The following WDR6 variants were observed in gnomAD, a reference collection of about 807,000 sequenced individuals.
The protein encoded by WDR6 is WD repeat domain 6, also known as tRNA (34-2'-O)-methyltransferase regulator WDR6.
Under a neutral mutation model 85.6 loss-of-function variants are expected in WDR6, and 58 were observed. The ratio of observed to expected loss-of-function variants is 0.68; its 90% confidence interval spans 0.55 to 0.84. The LOEUF is 0.84. WDR6 is among the 40% of genes least tolerant of loss of function. WDR6 has a pLI of 0.00. For missense variants in WDR6, 1,310 were observed against 1,476.4 expected (o/e 0.89, Z 1.85); for synonymous variants, 569 against 582.2 (o/e 0.98, Z 0.33).
Position 49,011,978 on chromosome 3 carries a change from C to T in WDR6, c.444C>T (p.Ile148=), listed in dbSNP as rs775226475. The change falls in exon 2 of 6, where the codon ATC becomes ATT. Residue 148 remains isoleucine, a synonymous_variant. Coordinates refer to ENST00000608424, the MANE Select transcript of WDR6 (RefSeq NM_018031.6). ...TATATGACCCTGTAGTAGGGTGCAT[C>T]CTGCAAGAGGTGCCCTGCACAGACA... ...VVLYDPVVGC[I]LQEVPCTDRC... 1 of 1,614,198 alleles carries T rather than the reference C, an allele frequency of 6.2e-7. No individual in the cohort carries two copies. Among genetic ancestry groups the T allele is most frequent in the South Asian group, 1.1e-5 (1 of 91,086 alleles).
At position 49,012,062 on chromosome 3, in the gene WDR6, G is replaced by A. The variant is rs756372593; in HGVS notation, c.528G>A (p.Val176=). ...ACGCCTGGAAGGAGCTGACCATAGT[G>A]GCAGGTGCTGTTTCCAACCAGCTCT... ...IGDAWKELTI[V]AGAVSNQLLV... Residue 176 remains valine (V), a synonymous_variant, in exon 2 of 6, where the codon GTG becomes GTA. Coordinates refer to ENST00000608424, the MANE Select transcript of WDR6 (RefSeq NM_018031.6). The surrounding 1 kb of genome is among the most constrained non-coding windows in gnomAD (Gnocchi z 4.4). 3.1e-6 allele frequency: 5 copies of A among 1,613,746 alleles called. No homozygotes were observed. In the African/African-American group the frequency reaches 4.0e-5, roughly 13 times the overall value.
rs370199277 is a variant in WDR6, at chr3:49,012,765, G to A, written c.1231G>A (p.Ala411Thr). ...CGAGGGCTTCGGATTGTGTGCTATG[G>A]CCAATGGGGAAGGTCGTGTCAAGGT... ...GPEGFGLCAM[A>T]NGEGRVKVVP... Residue 411 changes from alanine to threonine, a missense_variant, in exon 2 of 6, where the codon GCC (alanine) becomes ACC (threonine). Transcript: ENST00000608424. The surrounding 1 kb of genome is among the most constrained non-coding windows in gnomAD (Gnocchi z 4.4). 5.2e-5 allele frequency: 84 copies of A among 1,613,834 alleles called. No homozygotes were observed. The highest frequency in any genetic ancestry group is 4.9e-4 in the Middle Eastern group (3 of 6,084).
intron 1 of WDR6, among the ~76,000 whole-genome samples, chr3:49,010,057 T>C (rs1327134581): frequency 7.0e-6 from 1 of 141,988 alleles, no homozygotes; most frequent in African/African-American, 2.6e-5. Flanking sequence ...AAAAAAAAAG[T>C]GAGGTGAGGA....
rs777299488 is a variant in WDR6 at position 49,012,287 on chromosome 3, T to C, written c.753T>C (p.Ile251=). The change falls in exon 2 of 6, where the codon ATT becomes ATC. Residue 251 remains isoleucine, a synonymous_variant. Coordinates refer to ENST00000608424, the MANE Select transcript of WDR6 (RefSeq NM_018031.6). This position sits in a 1 kb window ranked among gnomAD's most constrained non-coding sequence, Gnocchi z 4.4. ...TGCCTGGGGGTCGGGTGCAGAATAT[T>C]GGGCACTGCTTTGGGCACAGCGCCC... ...LRVPGGRVQN[I]GHCFGHSARV... 3.1e-6 allele frequency: 5 copies of C among 1,614,234 alleles called. No homozygotes were observed. In the South Asian group the frequency reaches 5.5e-5, roughly 18 times the overall value.
rs1234461998 is a variant in WDR6 at position 49,015,008 on chromosome 3, T to C, written c.3086T>C (p.Val1029Ala). ...LEEAVGEAGLVPQLRVLEEYS... is the reference protein window; with the variant it reads ...LEEAVGEAGLAPQLRVLEEYS... ...GAGGCTGTGGGAGAGGCTGGGCTGG[T>C]ACCCCAGCTGCGTGTGCTAGAGGAA... Residue 1029 changes from valine (V) to alanine (A), a missense_variant, in exon 6 of 6, where the codon GTA becomes GCA. Coordinates refer to ENST00000608424, the MANE Select transcript of WDR6 (RefSeq NM_018031.6). The C allele has an allele frequency of 6.2e-7, 1 of 1,614,026 alleles. No individual in the cohort carries two copies. The highest frequency in any genetic ancestry group is 8.5e-7 in the Non-Finnish European group (1 of 1,180,020).
At position 49,015,277 on chromosome 3, in the gene WDR6, T is replaced by C. The variant is rs2093047944; in HGVS notation, c.3355T>C (p.Trp1119Arg). The change falls in exon 6 of 6, where the codon TGG becomes CGG. Residue 1119 changes from tryptophan to arginine, a missense_variant. Transcript: ENST00000608424. ...LGGQGLEVYN[W>R]YD ...GGGTCAGGGGCTTGAGGTTTACAAC[T>C]GGTATGACTGAGGTATCCTGCGGTG... 6.2e-7 allele frequency: 1 copy of C among 1,610,168 alleles called. No homozygotes were observed. Among genetic ancestry groups the C allele is most frequent in the Non-Finnish European group, 8.5e-7 (1 of 1,179,846 alleles).
rs2093027806 is a variant in WDR6, at chr3:49,013,199, T to A, written c.1665T>A (p.Thr555=). 1 of 1,613,306 alleles carries A rather than the reference T, an allele frequency of 6.2e-7. No homozygotes were observed. Among genetic ancestry groups the A allele is most frequent in the African/African-American group, 1.3e-5 (1 of 74,874 alleles). The change falls in exon 2 of 6, where the codon ACT becomes ACA. Residue 555 remains threonine (T), a synonymous_variant. Transcript: ENST00000608424. The surrounding 1 kb of genome is among the most constrained non-coding windows in gnomAD (Gnocchi z 4.6). ...SGSSGGGNAF[T]GLGPVSTLPS... ...GTAGTGGGGGTGGGAATGCTTTCAC[T>A]GGGTTGGGCCCAGTGTCTACCCTGC...
At position 49,015,880 on chromosome 3, in the gene WDR6, C is replaced by CA. The variant is rs1553731152; in HGVS notation, c.*593dup. ...TACCAGGAACTTGCATATCTAGAGACAGAGACTGAGTCACTGGCCCATCTC... is the reference window on the plus strand; with the variant it reads ...TACCAGGAACTTGCATATCTAGAGACAAGAGACTGAGTCACTGGCCCATCTC... On this transcript the variant is annotated 3_prime_UTR_variant, in exon 6 of 6. Coordinates refer to ENST00000608424, the MANE Select transcript of WDR6 (RefSeq NM_018031.6). 1.2e-6 allele frequency: 2 copies of CA among 1,614,186 alleles called. No homozygotes were observed. The highest frequency in any genetic ancestry group is 3.3e-5 in the Admixed American group (2 of 60,024).
chr3:49,015,764 A>G lies in WDR6; in HGVS notation c.*476A>G. The G allele has an allele frequency of 6.2e-7, 1 of 1,613,502 alleles. No homozygotes were observed. The highest frequency in any genetic ancestry group is 1.7e-5 in the Admixed American group (1 of 59,960). On this transcript the variant is annotated 3_prime_UTR_variant, in exon 6 of 6. Coordinates refer to ENST00000608424, the MANE Select transcript of WDR6 (RefSeq NM_018031.6). ...TCTGCTTCCTTTGCCTTTACCCTAT[A>G]CCTCTCTGCACGTCCCACCCCATTT...
At position 49,013,319 on chromosome 3, in the gene WDR6, T is replaced by C. The variant is rs1257616917; in HGVS notation, c.1785T>C (p.Phe595=). The part of the protein sequence containing the change: ...TGRDGAYYQL[F]VRDGQLQPVL... ...GTGATGGAGCCTACTACCAGCTGTT[T>C]GTACGAGACGGCCAGCTCCAGCCAG... Residue 595 remains phenylalanine (F), a synonymous_variant, in exon 2 of 6, where the codon TTT becomes TTC. Transcript: ENST00000608424. This position sits in a 1 kb window ranked among gnomAD's most constrained non-coding sequence, Gnocchi z 4.6. 3 of 1,614,150 alleles carry C rather than the reference T, an allele frequency of 1.9e-6. No individual in the cohort carries two copies. The highest frequency in any genetic ancestry group is 2.5e-6 in the Non-Finnish European group (3 of 1,180,020).
chr3:49,011,965 T>G lies in WDR6; in HGVS notation c.431T>G (p.Val144Gly), dbSNP rs745384755. 1 of 1,614,210 alleles carries G rather than the reference T, an allele frequency of 6.2e-7. No homozygotes were observed. Among genetic ancestry groups the G allele is most frequent in the Non-Finnish European group, 8.5e-7 (1 of 1,180,022 alleles). The change falls in exon 2 of 6, where the codon GTA becomes GGA. Residue 144 changes from valine (V) to glycine (G), a missense_variant. By Grantham distance (109) the Val-to-Gly change is moderately radical (BLOSUM62 -3). Coordinates refer to ENST00000608424, the MANE Select transcript of WDR6 (RefSeq NM_018031.6). ...AACTCAGTGGTGCTATATGACCCTG[T>G]AGTAGGGTGCATCCTGCAAGAGGTG... ...GHNSVVLYDP[V>G]VGCILQEVPC...
chr3:49,015,795 T>C lies in WDR6; in HGVS notation c.*507T>C. On this transcript the variant is annotated 3_prime_UTR_variant, in exon 6 of 6. Transcript: ENST00000608424. ...CTGCACGTCCCACCCCATTTTGCTGTGTGCTCACCCCCAGGATGTGTACCC... is the reference window on the plus strand; with the variant it reads ...CTGCACGTCCCACCCCATTTTGCTGCGTGCTCACCCCCAGGATGTGTACCC... 6.2e-7 allele frequency: 1 copy of C among 1,614,168 alleles called. No individual in the cohort carries two copies.
In WDR6 at chr3:49,014,716, A is replaced by C; in HGVS notation, c.2900A>C (p.Tyr967Ser). Residue 967 changes from tyrosine (Y) to serine (S), a missense_variant and splice_region_variant, in exon 5 of 6, where the codon TAC becomes TCC. By Grantham distance (144) the Tyr-to-Ser change is moderately radical (BLOSUM62 -2). Coordinates refer to ENST00000608424, the MANE Select transcript of WDR6 (RefSeq NM_018031.6). This position sits in a 1 kb window ranked among gnomAD's most constrained non-coding sequence, Gnocchi z 4.9. The stretch of plus-strand genomic sequence containing the variant: ...CCTCCAGTGGATCCTGGGCTTCCCT[A>C]CCGTGAGTAGCTAATGTGCAACCAT... ...LEPPVDPGLP[Y>S]RLGTPSLTLQ... The C allele has an allele frequency of 6.2e-7, 1 of 1,612,974 alleles. No individual in the cohort carries two copies.
Position 49,012,941 on chromosome 3 carries a change from C to A in WDR6, c.1407C>A (p.Ala469=). The change falls in exon 2 of 6, where the codon GCC becomes GCA. Residue 469 remains alanine, a synonymous_variant. Transcript: ENST00000608424. The surrounding 1 kb of genome is among the most constrained non-coding windows in gnomAD (Gnocchi z 4.4). ...TAGTAGCTTGCCTAGAGATCTCAGC[C>A]GCACCCTCTGGCAAGGCCATCTTTG... ...GGVVACLEIS[A]APSGKAIFVK... The A allele has an allele frequency of 1.9e-6, 3 of 1,613,896 alleles. No homozygotes were observed. The highest frequency in any genetic ancestry group is 1.1e-5 in the South Asian group (1 of 91,080).
In WDR6 at chr3:49,015,670, C is replaced by T. The variant is rs756389338; in HGVS notation, c.*382C>T. On this transcript the variant is annotated 3_prime_UTR_variant, in exon 6 of 6. Coordinates refer to ENST00000608424, the MANE Select transcript of WDR6 (RefSeq NM_018031.6). The stretch of plus-strand genomic sequence containing the variant: ...ACGCACAGCTCTCAGAAGCTGCAGG[C>T]GGACGAACATCTGACCAAAGAGGTG... 9 of 1,613,962 alleles carry T rather than the reference C, an allele frequency of 5.6e-6. No individual in the cohort carries two copies. Among genetic ancestry groups the T allele is most frequent in the African/African-American group, 4.0e-5 (3 of 74,868 alleles).
chr3:49,015,739 T>C lies in WDR6; in HGVS notation c.*451T>C, dbSNP rs1217235709. ...GAGAAAGGGCCTGCTGGTCTCATCC[T>C]CTGCTTCCTTTGCCTTTACCCTATA... On this transcript the variant is annotated 3_prime_UTR_variant, in exon 6 of 6. Coordinates refer to ENST00000608424, the MANE Select transcript of WDR6 (RefSeq NM_018031.6). 1 of 1,614,012 alleles carries C rather than the reference T, an allele frequency of 6.2e-7. No individual in the cohort carries two copies. The highest frequency in any genetic ancestry group is 8.5e-7 in the Non-Finnish European group (1 of 1,180,020).
At chr3:49,011,342 G>A (rs918328416) in intron 1 of WDR6, 31 of 923,184 alleles carry the variant, frequency 3.4e-5, no homozygotes, top group Admixed American at 5.6e-5. Context: ...GCTTCCCAAA[G>A]TGCTAGGATT....
Position 49,014,006 on chromosome 3 carries a change from CCCAAGCCG to C in WDR6, c.2475_2482del (p.Ser826ArgfsTer14), listed in dbSNP as rs779050535. The C allele has an allele frequency of 1.2e-6, 2 of 1,611,856 alleles. No homozygotes were observed. Among genetic ancestry groups the C allele is most frequent in the Non-Finnish European group, 1.7e-6 (2 of 1,179,998 alleles). ...TCATGGTTACTCCGGACCCCAGCAC[CCCAAGCCG>C]CCTCGCCTGCCATGTCATGCACCTT... On this transcript the variant is annotated frameshift_variant, in exon 2 of 6. Transcript: ENST00000608424. LOFTEE classifies it high-confidence loss of function. The surrounding 1 kb of genome is among the most constrained non-coding windows in gnomAD (Gnocchi z 4.9).
At position 49,013,451 on chromosome 3, in the gene WDR6, G is replaced by A. The variant is rs771915025; in HGVS notation, c.1917G>A (p.Val639=). Residue 639 remains valine (V), a synonymous_variant, in exon 2 of 6, where the codon GTG becomes GTA. Coordinates refer to ENST00000608424, the MANE Select transcript of WDR6 (RefSeq NM_018031.6). The surrounding 1 kb of genome is among the most constrained non-coding windows in gnomAD (Gnocchi z 4.6). ...GTTTCCATGCCAATGAGTTTGTGGT[G>A]TGGAACCCTCGGTCACACGAGAAGC... ...ILGFHANEFV[V]WNPRSHEKLH... 3.7e-6 allele frequency: 6 copies of A among 1,614,170 alleles called. No individual in the cohort carries two copies. Among genetic ancestry groups the A allele is most frequent in the Non-Finnish European group, 5.1e-6 (6 of 1,180,030 alleles).
Sources: allele counts gnomAD v4.1 joint callset (sites outside exome capture counted in the v4.1 genomes callset), GRCh38; gene constraint gnomAD v4.1.1; non-coding constraint Gnocchi (gnomAD v3.1); transcripts MANE v1.5; gene names NCBI Gene and HGNC (gene_info 2026-07-23, HGNC 2026-07-21).